SYT6: variants seen among roughly 807,000 people sequenced by gnomAD.
SYT6 encodes the protein synaptotagmin 6, also known as synaptotagmin-6.
Under a neutral mutation model 38.4 loss-of-function variants are expected in SYT6, and 24 were observed. That is an observed-to-expected ratio of 0.62 (90% CI 0.45 to 0.88). The LOEUF is 0.88. SYT6 is among the 40% of genes least tolerant of loss of function. The probability of loss-of-function intolerance (pLI) is 0.00; values close to 1 mark genes in which losing one functional copy is unlikely to be tolerated. For missense variants in SYT6, 611 were observed against 621.0 expected (o/e 0.98, Z 0.17); for synonymous variants, 265 against 241.9 (o/e 1.10, Z -0.89).
intron 3 of SYT6, among the ~76,000 whole-genome samples, chr1:114,105,413 A>C (rs865939690): frequency 1.4e-5 from 2 of 140,784 alleles, no homozygotes; most frequent in South Asian, 4.7e-4. Context: ...CTCTTTTCCT[A>C]GCCCTAGATT....
intron 3 of SYT6, among the ~76,000 whole-genome samples, chr1:114,116,672 G>A (rs1257902579): frequency 6.6e-6 from 1 of 152,124 alleles, no homozygotes; most frequent in Non-Finnish European, 1.5e-5. Flanking sequence ...ATGCCACTAG[G>A]AAGCAAGAGG....
At chr1:114,111,296 T>C (rs983485994) in intron 3 of SYT6, among the ~76,000 whole-genome samples, 2 of 152,168 alleles carry the variant, frequency 1.3e-5, no homozygotes, top group Non-Finnish European at 2.9e-5. Context: ...CACAAAAGCC[T>C]TGGGAGATGG....
At chr1:114,096,954 C>T (rs1447022788) in intron 6 of SYT6, among the ~76,000 whole-genome samples, 1 of 152,106 alleles carries the variant, frequency 6.6e-6, no homozygotes, top group Non-Finnish European at 1.5e-5. Flanking sequence ...GGCCTGGGGA[C>T]CACCACGGTG....
chr1:114,126,305 G>T (rs914160600), intron 3 of SYT6, among the ~76,000 whole-genome samples: 1 of 152,178 alleles, frequency 6.6e-6, no homozygotes, highest in Non-Finnish European at 1.5e-5. Context: ...TAACACCATG[G>T]TCCGCGGGAA....
chr1:114,153,063 G>A (rs1180519078), intron 1 of SYT6: 1 of 144,696 alleles, frequency 6.9e-6, no homozygotes, highest in East Asian at 2.3e-4. Context: ...CTCGCAGCCG[G>A]AGAGACACCC....
chr1:114,103,833 C>G (rs1339708530), intron 3 of SYT6, 112 bp from the exon 4 acceptor site: 3 of 1,386,762 alleles, frequency 2.2e-6, no homozygotes, highest in Non-Finnish European at 2.9e-6. Flanking sequence ...CTTGGAGACA[C>G]TGTGCTGTGT....
At chr1:114,113,669 A>G (rs1676821042) in intron 3 of SYT6, among the ~76,000 whole-genome samples, 6 of 152,076 alleles carry the variant, frequency 3.9e-5, no homozygotes, top group Middle Eastern at 6.8e-3. Context: ...TCCAAATTCC[A>G]TCTCAAGTCC....
At chr1:114,113,449 C>A (rs1394383082) in intron 3 of SYT6, among the ~76,000 whole-genome samples, 2 of 152,280 alleles carry the variant, frequency 1.3e-5, no homozygotes, top group South Asian at 4.2e-4. Context: ...ACTCCAGACT[C>A]ATATATCCAA....
At chr1:114,103,570 G>A (rs1676090119) in intron 4 of SYT6, 31 bp downstream of exon 4, 2 of 1,612,966 alleles carry the variant, frequency 1.2e-6, no homozygotes, top group South Asian at 1.1e-5. Flanking sequence ...TGTCTGGGCT[G>A]CTGGCAGGCC....
chr1:114,095,753 C>T (rs372831183), intron 6 of SYT6, among the ~76,000 whole-genome samples: 4 of 152,094 alleles, frequency 2.6e-5, no homozygotes, highest in East Asian at 1.9e-4. Context: ...CTCCGCCTCC[C>T]GGGTTCACGC....
At chr1:114,113,191 G>A (rs998714637) in intron 3 of SYT6, among the ~76,000 whole-genome samples, 3 of 152,180 alleles carry the variant, frequency 2.0e-5, no homozygotes, top group African/African-American at 7.2e-5. Flanking sequence ...GTGCTCCATA[G>A]AGAAGCTCTT....
chr1:114,147,784 G>C (rs1679231126), intron 1 of SYT6, among the ~76,000 whole-genome samples: 1 of 152,192 alleles, frequency 6.6e-6, no homozygotes, highest in Non-Finnish European at 1.5e-5. Flanking sequence ...TTCCTACTTT[G>C]CAGAATCATT....
At chr1:114,111,514 A>G (rs1676676151) in intron 3 of SYT6, among the ~76,000 whole-genome samples, 1 of 152,102 alleles carries the variant, frequency 6.6e-6, no homozygotes, top group Non-Finnish European at 1.5e-5. Context: ...TCATGACTTC[A>G]TCTTGTTCTT....
intron 3 of SYT6, among the ~76,000 whole-genome samples, chr1:114,108,318 T>C (rs1028677366): frequency 6.6e-6 from 1 of 152,212 alleles, no homozygotes; most frequent in African/African-American, 2.4e-5. Flanking sequence ...CTGCAACAAC[T>C]GATTAAAGCA....
chr1:114,138,275 G>A (rs1678630344), intron 2 of SYT6, among the ~76,000 whole-genome samples: 1 of 152,176 alleles, frequency 6.6e-6, no homozygotes, highest in South Asian at 2.1e-4. Flanking sequence ...AATGGTGCCT[G>A]ATATATAGTA....
intron 1 of SYT6, among the ~76,000 whole-genome samples, chr1:114,148,965 G>A (rs1679296914): frequency 1.3e-5 from 2 of 152,112 alleles, no homozygotes; most frequent in African/African-American, 4.8e-5. Flanking sequence ...CAGAGAAGTT[G>A]GAGTGGGGGC....
intron 3 of SYT6, among the ~76,000 whole-genome samples, chr1:114,126,914 G>A (rs1677780959): frequency 6.6e-6 from 1 of 152,230 alleles, no homozygotes; most frequent in Non-Finnish European, 1.5e-5. Flanking sequence ...CTGGAGGCTA[G>A]GGAACTCATC....
In SYT6 at chr1:114,137,383, A is replaced by G. The variant is rs563314462; in HGVS notation, c.1071+112T>C. Reference sequence around the variant, plus strand: ...GGCAGTTTCCAGAGTCCCTCTTCACATCCCAAATGGCAAAGGCCCATTTGT... The same window carrying G: ...GGCAGTTTCCAGAGTCCCTCTTCACGTCCCAAATGGCAAAGGCCCATTTGT... On this transcript the variant is annotated intron_variant, in intron 3 of 7. Coordinates refer to ENST00000610222, the MANE Select transcript of SYT6 (RefSeq NM_001253772.2). The G allele has an allele frequency of 1.0e-5, 13 of 1,285,376 alleles. No homozygotes were observed. In the East Asian group the frequency reaches 3.1e-4, roughly 30 times the overall value. The allele number at this position is 1,285,376 out of a possible 1,614,324, so 79.6% of individuals were successfully genotyped here. A position where few individuals can be genotyped will look rare whatever the true frequency, so the allele number is the denominator to read the frequency against.
intron 1 of SYT6, among the ~76,000 whole-genome samples, chr1:114,147,156 C>T (rs1033577815): frequency 6.6e-6 from 1 of 152,102 alleles, no homozygotes; most frequent in African/African-American, 2.4e-5. Context: ...TAGCCAGGTC[C>T]GTCTGTATCT....
Sources: allele counts gnomAD v4.1 joint callset (sites outside exome capture counted in the v4.1 genomes callset), GRCh38; gene constraint gnomAD v4.1.1; transcripts MANE v1.5; gene names NCBI Gene and HGNC (gene_info 2026-07-23, HGNC 2026-07-21).